The following NRG1 variants were observed in gnomAD, a reference collection of about 807,000 sequenced individuals.
The protein encoded by NRG1 is pro-neuregulin-1, membrane-bound isoform.
In NRG1, 18 loss-of-function variants were observed where a neutral mutation model predicts 63.8. The observed-to-expected ratio is 0.28, with a 90% CI of 0.19 to 0.42. NRG1 has a LOEUF of 0.42. Ranked by LOEUF, NRG1 falls within the 10% of genes least tolerant of loss-of-function variation. NRG1 has a pLI of 1.00. For synonymous variants in NRG1, 302 were observed against 301.3 expected (o/e 1.00, Z -0.02); for missense variants, 762 against 814.7 (o/e 0.94, Z 0.79).
At chr8:31,893,416 TAA>T (rs1387701686) in intron 1 of NRG1, among the ~76,000 whole-genome samples, 1 of 151,276 alleles carries the variant, frequency 6.6e-6, no homozygotes, top group Non-Finnish European at 1.5e-5. Flanking sequence ...AGCATTCAAA[TAA>T]AGAGAAAAAT....
At chr8:32,557,339 T>A (rs1835388492) in intron 1 of NRG1, among the ~76,000 whole-genome samples, 1 of 152,214 alleles carries the variant, frequency 6.6e-6, no homozygotes, top group South Asian at 2.1e-4. Context: ...ACGTATCAAA[T>A]CTGTTTTTAT....
At chr8:32,722,427 C>CT (rs1391066103) in intron 5 of NRG1, among the ~76,000 whole-genome samples, 2 of 152,130 alleles carry the variant, frequency 1.3e-5, no homozygotes, top group Admixed American at 6.5e-5. Context: ...GTATTATTTT[C>CT]TTTTTAGCCT....
chr8:32,728,438 G>A (rs1305821457), intron 6 of NRG1: 1 of 985,028 alleles, frequency 1.0e-6, no homozygotes, highest in Non-Finnish European at 1.2e-6. Flanking sequence ...TCCAATGTAT[G>A]AATTAAGCTG....
At chr8:31,715,890 T>C (rs1278074969) in intron 1 of NRG1, among the ~76,000 whole-genome samples, 2 of 152,240 alleles carry the variant, frequency 1.3e-5, no homozygotes, top group Non-Finnish European at 2.9e-5. Context: ...ATATGAATTA[T>C]TGTTTCATGT....
At chr8:32,242,230 C>T (rs1426595330) in intron 1 of NRG1, among the ~76,000 whole-genome samples, 1 of 152,168 alleles carries the variant, frequency 6.6e-6, no homozygotes, top group Non-Finnish European at 1.5e-5. Flanking sequence ...AATCCCAGCA[C>T]TTTGGGAGGC....
chr8:31,852,440 A>G (rs975623314), intron 1 of NRG1, among the ~76,000 whole-genome samples: 2 of 152,092 alleles, frequency 1.3e-5, no homozygotes, highest in African/African-American at 4.8e-5. Flanking sequence ...TCCTACGCCC[A>G]CTTCTTGATG....
intron 1 of NRG1, among the ~76,000 whole-genome samples, chr8:32,340,461 A>G (rs776413196): frequency 1.3e-4 from 20 of 152,176 alleles, no homozygotes; most frequent in Non-Finnish European, 2.4e-4. Flanking sequence ...CCTGCTAACC[A>G]GATTCGATTT....
chr8:32,236,129 A>ATGTG (rs751770950), intron 1 of NRG1, among the ~76,000 whole-genome samples: 1 of 147,746 alleles, frequency 6.8e-6, no homozygotes, highest in Non-Finnish European at 1.5e-5. Context: ...TTGTGTGTGT[A>ATGTG]TGTGTGTGTG....
chr8:32,241,984 C>T (rs1848145133), intron 1 of NRG1, among the ~76,000 whole-genome samples: 1 of 152,070 alleles, frequency 6.6e-6, no homozygotes, highest in South Asian at 2.1e-4. Flanking sequence ...AACTCCTAGC[C>T]TCAAGAAATC....
chr8:31,883,853 C>T (rs768057139), intron 1 of NRG1, among the ~76,000 whole-genome samples: 24 of 152,034 alleles, frequency 1.6e-4, no homozygotes, highest in East Asian at 1.2e-3. Flanking sequence ...TTAGTTTTGA[C>T]GGAATGGTCT....
chr8:31,774,778 C>T (rs186090800), intron 1 of NRG1, among the ~76,000 whole-genome samples: 9 of 152,112 alleles, frequency 5.9e-5, no homozygotes, highest in African/African-American at 1.2e-4. Flanking sequence ...TTAAAGTACA[C>T]GAACAGACAT....
At chr8:32,682,559 A>G (rs946799071) in intron 5 of NRG1, among the ~76,000 whole-genome samples, 2 of 152,174 alleles carry the variant, frequency 1.3e-5, no homozygotes, top group East Asian at 1.9e-4. Flanking sequence ...TTTCTAGAAG[A>G]TAAATGTAAT....
intron 1 of NRG1, among the ~76,000 whole-genome samples, chr8:32,517,012 A>G (rs1442072333): frequency 6.6e-6 from 1 of 152,156 alleles, no homozygotes; most frequent in East Asian, 1.9e-4. Context: ...AAATAGGAAA[A>G]TATTTAAGAA....
chr8:32,347,799 G>A (rs1805110716), intron 1 of NRG1, among the ~76,000 whole-genome samples: 1 of 152,172 alleles, frequency 6.6e-6, no homozygotes, highest in Non-Finnish European at 1.5e-5. Context: ...AGGGTGATGA[G>A]GGTGATGGGT....
intron 1 of NRG1, among the ~76,000 whole-genome samples, chr8:32,176,357 C>T (rs534085410): frequency 2.3e-4 from 35 of 152,224 alleles, no homozygotes; most frequent in African/African-American, 8.2e-4. Context: ...AATGTTAGAC[C>T]TGAAACCATA....
At chr8:32,282,845 T>C (rs954396148) in intron 1 of NRG1, among the ~76,000 whole-genome samples, 1 of 152,146 alleles carries the variant, frequency 6.6e-6, no homozygotes, top group Non-Finnish European at 1.5e-5. Flanking sequence ...TCATTCATAC[T>C]TGTAAAAAAA....
chr8:31,652,853 C>A (rs1563257702), intron 1 of NRG1, among the ~76,000 whole-genome samples: 1 of 151,826 alleles, frequency 6.6e-6, no homozygotes, highest in African/African-American at 2.4e-5. Context: ...CTTTGCTTTT[C>A]CTTTTCTTTT....
intron 1 of NRG1, among the ~76,000 whole-genome samples, chr8:31,851,203 C>T (rs952885240): frequency 1.3e-5 from 2 of 152,170 alleles, no homozygotes; most frequent in African/African-American, 4.8e-5. Flanking sequence ...ATCTATATTG[C>T]TAATTAAAAA....
chr8:31,832,050 C>G (rs1377063586), intron 1 of NRG1, among the ~76,000 whole-genome samples: 2 of 152,126 alleles, frequency 1.3e-5, no homozygotes, highest in African/African-American at 2.4e-5. Context: ...GAAAGACAGC[C>G]CTAATTGAGG....
Sources: allele counts gnomAD v4.1 joint callset (sites outside exome capture counted in the v4.1 genomes callset), GRCh38; gene constraint gnomAD v4.1.1; transcripts MANE v1.5; gene names NCBI Gene and HGNC (gene_info 2026-07-23, HGNC 2026-07-21).